The following GOLIM4 variants were observed in gnomAD, a reference collection of about 807,000 sequenced individuals.
GOLIM4 encodes golgi integral membrane protein 4.
Under a neutral mutation model 107.4 loss-of-function variants are expected in GOLIM4, and 71 were observed. That is an observed-to-expected ratio of 0.66 (90% confidence interval 0.55 to 0.81). The LOEUF is 0.81. Among genes scored for constraint, GOLIM4 ranks in the 30% least tolerant of loss-of-function variants. The pLI is 0.00. For synonymous variants in GOLIM4, 327 were observed against 294.8 expected, an observed-to-expected ratio of 1.11 and a Z score of -1.12; for missense variants, 830 against 826.1, an observed-to-expected ratio of 1.00 and a Z score of -0.06.
chr3:168,077,733 G>A (rs137965368), intron 1 of GOLIM4, among the ~76,000 whole-genome samples: 1 of 151,846 alleles, frequency 6.6e-6, no homozygotes, highest in Non-Finnish European at 1.5e-5. Flanking sequence ...ATTTTCTTTG[G>A]CTATATTGTA....
chr3:168,070,876 C>T (rs554626538), intron 1 of GOLIM4, among the ~76,000 whole-genome samples: 2 of 152,134 alleles, frequency 1.3e-5, no homozygotes, highest in African/African-American at 4.8e-5. Flanking sequence ...AACTTCTATA[C>T]CTTTAATAAT....
intron 1 of GOLIM4, among the ~76,000 whole-genome samples, chr3:168,080,810 CCATA>C (rs140153471): frequency 0.042 from 6,337 of 152,112 alleles, 442 homozygotes; most frequent in African/African-American, 0.15. Context: ...TTTTCTTTTT[CCATA>C]CATAAACTAC....
At chr3:168,035,648 A>C (rs548959725) in intron 8 of GOLIM4, among the ~76,000 whole-genome samples, 1 of 152,304 alleles carries the variant, frequency 6.6e-6, no homozygotes, top group South Asian at 2.1e-4. Flanking sequence ...GCCTATCAGA[A>C]GGTGGAGGGA....
chr3:168,018,375 G>A (rs758640723), intron 14 of GOLIM4, among the ~76,000 whole-genome samples: 3 of 152,122 alleles, frequency 2.0e-5, no homozygotes, highest in Non-Finnish European at 4.4e-5. Context: ...TTGGCCTGTC[G>A]AGAGCCTACA....
chr3:168,094,999 G>C (rs574207720), intron 1 of GOLIM4, 100 bp downstream of exon 1: 252 of 857,456 alleles, frequency 2.9e-4, no homozygotes, highest in Middle Eastern at 1.7e-3. Context: ...GTCAGAGGTG[G>C]CAACCACAGT....
chr3:168,023,663 A>T (rs1024140929), intron 14 of GOLIM4, among the ~76,000 whole-genome samples: 2 of 152,222 alleles, frequency 1.3e-5, no homozygotes, highest in African/African-American at 4.8e-5. Flanking sequence ...CTGGCTGAGA[A>T]GCAGCTCTGA....
chr3:168,043,355 C>G (rs1379931445), intron 5 of GOLIM4, 24 bp downstream of exon 5: 1 of 1,541,676 alleles, frequency 6.5e-7, no homozygotes, highest in Admixed American at 1.8e-5. Flanking sequence ...TAGAGATAAA[C>G]TGGCTAATCA....
chr3:168,050,190 T>C (rs1020516974), intron 1 of GOLIM4, among the ~76,000 whole-genome samples: 9 of 152,216 alleles, frequency 5.9e-5, no homozygotes, highest in Non-Finnish European at 1.0e-4. Flanking sequence ...CTCTACCATG[T>C]ACCTGGACAG....
Position 168,095,312 on chromosome 3 carries a change from C to A in GOLIM4, c.-27G>T. ...GTCCCGCCTGGACCCAAAGCCGCGG[C>A]CGCCCCCGCCGTCTCCTCCCCTTGG... is the stretch of plus-strand genomic sequence containing the variant. On this transcript the variant is annotated 5_prime_UTR_variant, in exon 1 of 16. Coordinates refer to ENST00000470487, the MANE Select transcript of GOLIM4 (RefSeq NM_014498.5). 1 of 1,596,350 alleles carries A rather than the reference C, an allele frequency of 6.3e-7. No individual in the cohort carries two copies. The highest frequency in any genetic ancestry group is 8.5e-7 in the Non-Finnish European group (1 of 1,171,358).
chr3:168,061,763 T>C (rs768266525), intron 1 of GOLIM4, among the ~76,000 whole-genome samples: 6 of 152,168 alleles, frequency 3.9e-5, no homozygotes, highest in East Asian at 1.9e-4. Context: ...TCTCTGATGA[T>C]AGAAGACAAG....
chr3:168,025,977 G>A (rs1717975239), intron 12 of GOLIM4, among the ~76,000 whole-genome samples: 1 of 152,136 alleles, frequency 6.6e-6, no homozygotes, highest in Admixed American at 6.5e-5. Flanking sequence ...TCACTCGCAG[G>A]TCATCAATAG....
At chr3:168,030,107 C>A in intron 9 of GOLIM4, 71 bp from the exon 10 acceptor site, 1 of 1,472,696 alleles carries the variant, frequency 6.8e-7, no homozygotes, top group South Asian at 1.2e-5. Flanking sequence ...ATTTGTTTCT[C>A]CTGACAAACT....
chr3:168,032,929 T>C, intron 8 of GOLIM4, 77 bp from the exon 9 acceptor site: 1 of 1,100,482 alleles, frequency 9.1e-7, no homozygotes, highest in Non-Finnish European at 1.3e-6. Flanking sequence ...TTTCCATGTC[T>C]ATGGGGCATG....
At chr3:168,038,036 C>T (rs1376129657) in intron 7 of GOLIM4, among the ~76,000 whole-genome samples, 1 of 152,224 alleles carries the variant, frequency 6.6e-6, no homozygotes, top group Non-Finnish European at 1.5e-5. Flanking sequence ...TGCACCATGG[C>T]ACACTGCTCT....
intron 14 of GOLIM4, among the ~76,000 whole-genome samples, chr3:168,022,652 T>G (rs930891097): frequency 6.6e-6 from 1 of 151,802 alleles, no homozygotes; most frequent in African/African-American, 2.4e-5. Flanking sequence ...CAACACAACA[T>G]GAACAAGGGA....
At chr3:168,039,067 C>G (rs948223782) in intron 7 of GOLIM4, among the ~76,000 whole-genome samples, 1 of 152,088 alleles carries the variant, frequency 6.6e-6, no homozygotes, top group Admixed American at 6.5e-5. Context: ...GTGAGAAATA[C>G]ATTTCCATAG....
At chr3:168,052,045 T>A (rs1324628010) in intron 1 of GOLIM4, among the ~76,000 whole-genome samples, 1 of 152,194 alleles carries the variant, frequency 6.6e-6, no homozygotes, top group Non-Finnish European at 1.5e-5. Context: ...ACAGCCTTGA[T>A]GCCTGGGTTA....
At position 168,086,122 on chromosome 3, in the gene GOLIM4, G is replaced by A. The variant is rs1283286628; in HGVS notation, c.187+8977C>T. Among the ~76,000 whole-genome samples, 13 of 151,982 alleles carry A rather than the reference G, an allele frequency of 8.6e-5. No individual in the cohort carries two copies. The East Asian group carries it at 2.5e-3, about 29-fold the overall frequency. Reference sequence around the variant, plus strand: ...TCAATACAATTTAACTTGTTTTATAGCATCCAAACCTCTAAATAAAATATA... The same window carrying A: ...TCAATACAATTTAACTTGTTTTATAACATCCAAACCTCTAAATAAAATATA... On this transcript the variant is annotated intron_variant, in intron 1 of 15. Transcript: ENST00000470487.
intron 8 of GOLIM4, among the ~76,000 whole-genome samples, chr3:168,034,703 C>G (rs1257886417): frequency 6.6e-6 from 1 of 152,174 alleles, no homozygotes; most frequent in Admixed American, 6.5e-5. Flanking sequence ...TGAATTCCCA[C>G]GTGTTGTGGG....
Sources: gnomAD v4.1 joint callset for allele counts (sites outside exome capture counted in the v4.1 genomes callset) on GRCh38, gnomAD v4.1.1 for gene constraint, MANE v1.5 for transcripts, NCBI Gene and HGNC (gene_info 2026-07-23, HGNC 2026-07-21) for gene names.